The following SNAP91 variants were observed in gnomAD, a reference collection of about 807,000 sequenced individuals.
The protein encoded by SNAP91 is synaptosome associated protein 91, also known as clathrin coat assembly protein AP180.
Under a neutral mutation model 100.3 loss-of-function variants are expected in SNAP91, and 27 were observed. That is an observed-to-expected ratio of 0.27 (90% CI 0.20 to 0.37). The LOEUF is 0.37. Among genes scored for constraint, SNAP91 ranks in the 10% least tolerant of loss-of-function variants. The probability of loss-of-function intolerance (pLI) is 1.00; values close to 1 mark genes in which losing one functional copy is unlikely to be tolerated. For missense variants in SNAP91, 986 were observed against 1,123.7 expected, an observed-to-expected ratio of 0.88 and a Z score of 1.75; for synonymous variants, 404 against 398.6, an observed-to-expected ratio of 1.01 and a Z score of -0.16.
intron 2 of SNAP91, among the ~76,000 whole-genome samples, chr6:83,699,970 T>C (rs904648298): frequency 1.5e-4 from 23 of 152,186 alleles, no homozygotes; most frequent in African/African-American, 5.5e-4. Context: ...ATCTTATATA[T>C]GATGAAGGAA....
intron 2 of SNAP91, among the ~76,000 whole-genome samples, chr6:83,704,367 A>C (rs920417587): frequency 6.6e-6 from 1 of 152,192 alleles, no homozygotes; most frequent in Non-Finnish European, 1.5e-5. Flanking sequence ...TACATAATCC[A>C]AAAGTGCCAT....
intron 22 of SNAP91, among the ~76,000 whole-genome samples, chr6:83,582,757 A>G (rs1168867174): frequency 6.6e-6 from 1 of 152,212 alleles, no homozygotes; most frequent in Non-Finnish European, 1.5e-5. Context: ...GCAAATTATA[A>G]TAAAATGCAA....
chr6:83,678,853 C>T lies in SNAP91; in HGVS notation c.131-13272G>A, dbSNP rs9449683. ...ATAAAAATCCAAGTCTGTTTTCTCTCGGAAGTACCAAGGAATACAACTTTA... is the reference window on the plus strand; with the variant it reads ...ATAAAAATCCAAGTCTGTTTTCTCTTGGAAGTACCAAGGAATACAACTTTA... On this transcript the variant is annotated intron_variant, in intron 2 of 29. Coordinates refer to ENST00000369694, the MANE Select transcript of SNAP91 (RefSeq NM_001242792.2). 920 of 1,266,936 alleles carry T rather than the reference C, an allele frequency of 7.3e-4. 8 individuals carry two copies. The African/African-American group carries it at 0.013, about 17-fold the overall frequency. The allele number at this position is 1,266,936 out of a possible 1,614,324, so 78.5% of individuals were successfully genotyped here. A position where few individuals can be genotyped will look rare whatever the true frequency, so the allele number is the denominator to read the frequency against.
At chr6:83,560,643 G>T (rs1785763567) in intron 27 of SNAP91, among the ~76,000 whole-genome samples, 1 of 152,170 alleles carries the variant, frequency 6.6e-6, no homozygotes, top group East Asian at 1.9e-4. Flanking sequence ...ATATAACAAT[G>T]TACTATAGAA....
chr6:83,602,185 G>C (rs545000128), intron 14 of SNAP91, among the ~76,000 whole-genome samples: 1 of 152,234 alleles, frequency 6.6e-6, no homozygotes, highest in East Asian at 1.9e-4. Context: ...TATTCTTTCA[G>C]CCGATTGGGT....
At chr6:83,692,360 CA>C (rs1315294235) in intron 2 of SNAP91, among the ~76,000 whole-genome samples, 2 of 151,964 alleles carry the variant, frequency 1.3e-5, no homozygotes, top group Non-Finnish European at 2.9e-5. Flanking sequence ...ACTAAAAATA[CA>C]AAAATTAGCT....
chr6:83,644,114 T>A (rs191489222), intron 7 of SNAP91, among the ~76,000 whole-genome samples: 1 of 152,328 alleles, frequency 6.6e-6, no homozygotes, highest in Admixed American at 6.5e-5. Flanking sequence ...TGAGTTTATA[T>A]CTTTGCATCT....
chr6:83,617,700 T>C (rs1314440577), intron 9 of SNAP91, among the ~76,000 whole-genome samples: 1 of 151,776 alleles, frequency 6.6e-6, no homozygotes, highest in Non-Finnish European at 1.5e-5. Flanking sequence ...TATTAAGAAA[T>C]ACTTGAATGT....
At chr6:83,588,641 T>C (rs1253863642) in intron 22 of SNAP91, among the ~76,000 whole-genome samples, 3 of 152,290 alleles carry the variant, frequency 2.0e-5, no homozygotes, top group South Asian at 2.1e-4. Flanking sequence ...TCTAGATGTG[T>C]TTTTAGATTC....
intron 2 of SNAP91, among the ~76,000 whole-genome samples, chr6:83,671,355 T>C (rs1038730847): frequency 6.6e-6 from 1 of 152,116 alleles, no homozygotes; most frequent in African/African-American, 2.4e-5. Flanking sequence ...TCTTGTATTC[T>C]GAAACTCTGC....
At chr6:83,632,003 AT>A (rs2097225199) in intron 8 of SNAP91, among the ~76,000 whole-genome samples, 1 of 152,074 alleles carries the variant, frequency 6.6e-6, no homozygotes, top group African/African-American at 2.4e-5. Context: ...TTGTTTCAAG[AT>A]TTAGAGCTCC....
rs2098400944 is a variant in SNAP91, at chr6:83,656,220, ATGAGACTATATTCATCCCATT to A, written c.658+513_658+533del. 2.6e-5 allele frequency among the ~76,000 whole-genome samples: 4 copies of A among 152,236 alleles called. No individual in the cohort carries two copies. In the South Asian group the frequency reaches 8.3e-4, roughly 32 times the overall value. On this transcript the variant is annotated intron_variant, in intron 7 of 29. Transcript: ENST00000369694. ...GGACCTCTCATAATGGATAGAGAGC[ATGAGACTATATTCATCCCATT>A]TGAATAAAAACCAAAGGGCATATCC...
At chr6:83,625,472 T>C (rs186921278) in intron 8 of SNAP91, among the ~76,000 whole-genome samples, 13 of 152,244 alleles carry the variant, frequency 8.5e-5, no homozygotes, top group Admixed American at 8.5e-4. Flanking sequence ...CAAACTGCTT[T>C]CCACAGTGGC....
chr6:83,602,144 A>C (rs951209274), intron 14 of SNAP91, among the ~76,000 whole-genome samples: 2 of 152,174 alleles, frequency 1.3e-5, no homozygotes, highest in East Asian at 3.9e-4. Context: ...TCTATTAGGG[A>C]GCCAAAGATG....
At chr6:83,646,662 A>G (rs1562491916) in intron 7 of SNAP91, among the ~76,000 whole-genome samples, 1 of 152,142 alleles carries the variant, frequency 6.6e-6, no homozygotes, top group Admixed American at 6.5e-5. Context: ...TTCTTCTTCA[A>G]CAATATTGTG....
rs771496537 is a variant in SNAP91, at chr6:83,601,420, G to C, written c.1175C>G (p.Ser392Cys). ...AATCTGTGCTTCAGAGGGAACAGAGGAAAGTGCAGCCAAAGAATCTATATT... is the reference window on the plus strand; with the variant it reads ...AATCTGTGCTTCAGAGGGAACAGAGCAAAGTGCAGCCAAAGAATCTATATT... ...LLGEDSLAALSSVPSEAQISD... is the reference protein window; with the variant it reads ...LLGEDSLAALCSVPSEAQISD... The change falls in exon 16 of 30, where the codon TCC becomes TGC. Residue 392 changes from serine (S) to cysteine (C), a missense_variant. By Grantham distance (112) the Ser-to-Cys change is moderately radical. Transcript: ENST00000369694. The C allele has an allele frequency of 8.1e-6, 13 of 1,613,588 alleles. No individual in the cohort carries two copies. The highest frequency in any genetic ancestry group is 5.5e-5 in the South Asian group (5 of 91,056).
At chr6:83,607,478 T>G (rs140013724) in intron 13 of SNAP91, among the ~76,000 whole-genome samples, 141 of 152,228 alleles carry the variant, frequency 9.3e-4, no homozygotes, top group African/African-American at 3.1e-3. Context: ...ATTCTTCCAT[T>G]TCCTTTCTCA....
At chr6:83,696,785 A>G (rs949931284) in intron 2 of SNAP91, among the ~76,000 whole-genome samples, 3 of 152,020 alleles carry the variant, frequency 2.0e-5, no homozygotes, top group Non-Finnish European at 4.4e-5. Context: ...TATTTCTTTA[A>G]TTTTCTGTCT....
chr6:83,577,703 C>A (rs1443903873), intron 24 of SNAP91, among the ~76,000 whole-genome samples: 4 of 152,178 alleles, frequency 2.6e-5, no homozygotes, highest in Admixed American at 2.6e-4. Flanking sequence ...CGTCAGCTAA[C>A]ACTGAAAAAT....
Sources: gnomAD v4.1 joint callset for allele counts (sites outside exome capture counted in the v4.1 genomes callset) on GRCh38, gnomAD v4.1.1 for gene constraint, MANE v1.5 for transcripts, NCBI Gene and HGNC (gene_info 2026-07-23, HGNC 2026-07-21) for gene names.